Variants in NDST3 observed in about 807,000 individuals in gnomAD.
The protein encoded by NDST3 is N-deacetylase and N-sulfotransferase 3, also known as bifunctional heparan sulfate N-deacetylase/N-sulfotransferase 3.
A neutral mutation model predicts 96.1 loss-of-function variants in NDST3; 58 were observed. The observed-to-expected ratio is 0.60, with a 90% confidence interval of 0.49 to 0.75. NDST3 has a LOEUF of 0.75. Among genes scored for constraint, NDST3 ranks in the 30% least tolerant of loss-of-function variants. The pLI is 0.00. For synonymous variants in NDST3, 333 were observed against 359.7 expected, an observed-to-expected ratio of 0.93 and a Z score of 0.84; for missense variants, 788 against 1,034.2, an observed-to-expected ratio of 0.76 and a Z score of 3.27.
chr4:118,110,934 T>C (rs1034782274), intron 3 of NDST3, among the ~76,000 whole-genome samples: 17 of 151,994 alleles, frequency 1.1e-4, no homozygotes, highest in Non-Finnish European at 2.1e-4. Flanking sequence ...CAATGGTGGA[T>C]TGGATGAAAA....
At chr4:118,211,721 T>G (rs1279391617) in intron 6 of NDST3, among the ~76,000 whole-genome samples, 2 of 152,226 alleles carry the variant, frequency 1.3e-5, no homozygotes, top group African/African-American at 4.8e-5. Flanking sequence ...CCATGGTTTC[T>G]TATAATCTTT....
chr4:118,202,812 C>T (rs1384551071), intron 6 of NDST3, among the ~76,000 whole-genome samples: 1 of 152,134 alleles, frequency 6.6e-6, no homozygotes, highest in Non-Finnish European at 1.5e-5. Flanking sequence ...ATTTCTTTCT[C>T]TTGCCTGATT....
At chr4:118,234,988 C>T (rs1382672497) in intron 9 of NDST3, among the ~76,000 whole-genome samples, 5 of 149,442 alleles carry the variant, frequency 3.3e-5, no homozygotes, top group Admixed American at 3.3e-4. Context: ...CAAGATCGTG[C>T]CATTGTACTC....
At chr4:118,091,301 G>GA (rs1269815058) in intron 2 of NDST3, among the ~76,000 whole-genome samples, 6 of 150,492 alleles carry the variant, frequency 4.0e-5, no homozygotes, top group Non-Finnish European at 8.9e-5. Context: ...ATAAAAGTTG[G>GA]AAAAAAAAAT....
At chr4:118,191,175 G>A (rs964854329) in intron 6 of NDST3, among the ~76,000 whole-genome samples, 14 of 152,146 alleles carry the variant, frequency 9.2e-5, no homozygotes, top group African/African-American at 3.4e-4. Context: ...TAACACTTTA[G>A]GCCTAAATAC....
At chr4:118,237,503 A>G (rs924680584) in intron 10 of NDST3, among the ~76,000 whole-genome samples, 4 of 152,166 alleles carry the variant, frequency 2.6e-5, no homozygotes, top group South Asian at 4.2e-4. Flanking sequence ...ACTTTTTTAT[A>G]TCTATGCCTC....
intron 4 of NDST3, among the ~76,000 whole-genome samples, chr4:118,119,788 C>A (rs190388963): frequency 1.6e-4 from 25 of 152,252 alleles, no homozygotes; most frequent in Non-Finnish European, 3.5e-4. Context: ...ACATCAGATT[C>A]TTCCCCAAGG....
At chr4:118,128,558 CT>C (rs1732321363) in intron 4 of NDST3, among the ~76,000 whole-genome samples, 1 of 151,984 alleles carries the variant, frequency 6.6e-6, no homozygotes, top group African/African-American at 2.4e-5. Flanking sequence ...GATAAACGAT[CT>C]TTTTAATGTA....
At chr4:118,205,825 G>T (rs1738400157) in intron 6 of NDST3, among the ~76,000 whole-genome samples, 1 of 117,032 alleles carries the variant, frequency 8.5e-6, no homozygotes. Context: ...GCCACCTATC[G>T]GGCTTTCTTT....
chr4:118,171,982 TC>T (rs1482198345), intron 6 of NDST3, among the ~76,000 whole-genome samples: 2 of 152,292 alleles, frequency 1.3e-5, no homozygotes, highest in East Asian at 3.9e-4. Flanking sequence ...TGCTTCCATG[TC>T]CCCTTCTGTA....
intron 6 of NDST3, among the ~76,000 whole-genome samples, chr4:118,174,192 TG>T (rs1736135507): frequency 6.6e-6 from 1 of 152,232 alleles, no homozygotes; most frequent in Non-Finnish European, 1.5e-5. Context: ...CTGTGTAGGC[TG>T]GAAACTGTTA....
At chr4:118,252,880 A>T (rs2126015614) in intron 12 of NDST3, among the ~76,000 whole-genome samples, 2 of 152,328 alleles carry the variant, frequency 1.3e-5, no homozygotes, top group South Asian at 4.1e-4. Context: ...AACAAGACCA[A>T]GACTCCTTCT....
rs749587571 is a variant in NDST3, at chr4:118,242,149, C to T, written c.2399C>T (p.Thr800Met). The change falls in exon 12 of 14, where the codon ACG becomes ATG. Residue 800 changes from threonine to methionine, a missense_variant and splice_region_variant. Thr to Met is a moderately conservative substitution (Grantham distance 81, BLOSUM62 -1). This residue lies in a region of NDST3 where 490 missense variants were observed against 708.8 expected (regional missense o/e 0.69). Coordinates refer to ENST00000296499, the MANE Select transcript of NDST3 (RefSeq NM_004784.3). ...CATTATAATTACTCAGAAGCTTTAACGTAAGTTTATATTCTAATTAGTTTA... is the reference window on the plus strand; with the variant it reads ...CATTATAATTACTCAGAAGCTTTAATGTAAGTTTATATTCTAATTAGTTTA... ...LPHYNYSEAL[T>M]FDSHKGFWCQ... 5.8e-6 allele frequency: 9 copies of T among 1,558,736 alleles called. No homozygotes were observed. The highest frequency in any genetic ancestry group is 4.1e-5 in the African/African-American group (3 of 73,226).
intron 6 of NDST3, among the ~76,000 whole-genome samples, chr4:118,175,020 C>G (rs768256723): frequency 2.0e-5 from 3 of 152,160 alleles, no homozygotes; most frequent in Non-Finnish European, 4.4e-5. Flanking sequence ...TGACCACGTA[C>G]AGTCTACAGA....
At chr4:118,229,325 TA>T (rs1740120029) in intron 8 of NDST3, among the ~76,000 whole-genome samples, 1 of 152,210 alleles carries the variant, frequency 6.6e-6, no homozygotes, top group South Asian at 2.1e-4. Context: ...TTTTTCTGGA[TA>T]ATTTTGCAGA....
intron 2 of NDST3, among the ~76,000 whole-genome samples, chr4:118,068,669 A>G (rs1033024216): frequency 6.6e-6 from 1 of 152,124 alleles, no homozygotes; most frequent in Non-Finnish European, 1.5e-5. Flanking sequence ...CAGGTAGTAG[A>G]AATGCACATT....
At chr4:118,251,261 G>A (rs1293895305) in intron 12 of NDST3, among the ~76,000 whole-genome samples, 16 of 150,518 alleles carry the variant, frequency 1.1e-4, no homozygotes, top group Non-Finnish European at 1.9e-4. Flanking sequence ...CAAGTAGCTG[G>A]GACTACAGGC....
chr4:118,143,472 A>G, intron 5 of NDST3, 84 bp from the exon 6 acceptor site: 1 of 1,425,188 alleles, frequency 7.0e-7, no homozygotes, highest in Non-Finnish European at 9.6e-7. Context: ...CTTGTGCATC[A>G]TCTTGTGTGA....
Position 118,138,108 on chromosome 4 carries a change from G to A in NDST3, c.1279G>A (p.Val427Ile), listed in dbSNP as rs150758016. ...CGCTGTGGCCCCTCACCATTCGGGC[G>A]TCTACCCTGTACATGTTCAGCTTTA... is the stretch of plus-strand genomic sequence containing the variant. ...GYAVAPHHSGVYPVHVQLYEA... is the reference protein window; with the variant it reads ...GYAVAPHHSGIYPVHVQLYEA... Residue 427 changes from valine to isoleucine, a missense_variant, in exon 5 of 14, where the codon GTC becomes ATC. Physicochemically the swap from Val to Ile is conservative, Grantham distance 29. Around this residue, in one of 3 missense-constraint regions of NDST3, gnomAD observed 490 missense variants for 708.8 expected, o/e 0.69. Coordinates refer to ENST00000296499, the MANE Select transcript of NDST3 (RefSeq NM_004784.3). 194 of 1,613,578 alleles carry A rather than the reference G, an allele frequency of 1.2e-4. No individual in the cohort carries two copies. The highest frequency in any genetic ancestry group is 4.0e-4 in the Admixed American group (24 of 59,966).
Sources: gnomAD v4.1 joint callset for allele counts (sites outside exome capture counted in the v4.1 genomes callset) on GRCh38, gnomAD v4.1.1 for gene constraint, gnomAD v4.1.1 regional missense constraint, MANE v1.5 for transcripts, NCBI Gene and HGNC (gene_info 2026-07-23, HGNC 2026-07-21) for gene names.